The following AXIN1 variants were observed in gnomAD, a reference collection of about 807,000 sequenced individuals.
AXIN1 encodes axin-1.
A neutral mutation model predicts 76.4 loss-of-function variants in AXIN1; 30 were observed. That is an observed-to-expected ratio of 0.39 (90% confidence interval 0.29 to 0.53). The LOEUF (loss-of-function observed/expected upper bound fraction) is 0.53, where lower values mean the gene tolerates loss of function less well. Ranked by LOEUF, AXIN1 falls within the 20% of genes least tolerant of loss-of-function variation. The pLI is 0.66. For missense variants in AXIN1, 1,140 were observed against 1,198.8 expected (o/e 0.95, Z 0.72); for synonymous variants, 545 against 501.4 (o/e 1.09, Z -1.16).
chr16:304,656 T>C (rs1258872232), intron 4 of AXIN1, among the ~76,000 whole-genome samples: 1 of 152,158 alleles, frequency 6.6e-6, no homozygotes, highest in Non-Finnish European at 1.5e-5. Context: ...TGCCTCGGTC[T>C]CCCAAGTAGC....
At chr16:304,157 G>C in intron 5 of AXIN1, 147 bp downstream of exon 5, 3 of 1,370,642 alleles carry the variant, frequency 2.2e-6, no homozygotes, top group Non-Finnish European at 3.0e-6. Flanking sequence ...GCAGAGAAAG[G>C]GGAACAGGGG....
intron 2 of AXIN1, among the ~76,000 whole-genome samples, chr16:335,065 A>G (rs2053775368): frequency 1.3e-5 from 2 of 152,226 alleles, no homozygotes; most frequent in Admixed American, 1.3e-4. Flanking sequence ...TATAGAATGC[A>G]CAGCAGTAAG....
chr16:304,917 C>T (rs12444883), intron 4 of AXIN1, among the ~76,000 whole-genome samples: 26,827 of 152,116 alleles, frequency 0.18, 2,747 homozygotes, highest in African/African-American at 0.27. Context: ...TTTTCGTGTC[C>T]GGCCAGTCTG....
intron 10 of AXIN1, among the ~76,000 whole-genome samples, chr16:289,181 C>G (rs1374355836): frequency 6.6e-6 from 1 of 151,990 alleles, no homozygotes; most frequent in Non-Finnish European, 1.5e-5. Flanking sequence ...CTCTGCCTCC[C>G]GAGTTCAAGC....
At chr16:310,169 T>C (rs1597034339) in intron 3 of AXIN1, 100 bp from the exon 4 acceptor site, 6 of 1,055,990 alleles carry the variant, frequency 5.7e-6, no homozygotes, top group South Asian at 4.1e-5. Flanking sequence ...CAGCAGGCAA[T>C]GATGAGGACA....
chr16:313,018 A>G (rs995132149), intron 3 of AXIN1, among the ~76,000 whole-genome samples: 1 of 151,738 alleles, frequency 6.6e-6, no homozygotes, highest in Admixed American at 6.6e-5. Context: ...CCACAAAAAT[A>G]ATCATCATCA....
chr16:292,096 G>C (rs2052576766), intron 8 of AXIN1: 1 of 135,410 alleles, frequency 7.4e-6, no homozygotes, highest in Non-Finnish European at 1.6e-5. Flanking sequence ...CGCAACCTGA[G>C]AGACCCCTGC....
intron 2 of AXIN1, among the ~76,000 whole-genome samples, chr16:319,104 C>T (rs545929389): frequency 2.6e-5 from 4 of 152,244 alleles, no homozygotes; most frequent in South Asian, 2.1e-4. Context: ...AGGCAGAGTC[C>T]GGGGACACAG....
intron 2 of AXIN1, among the ~76,000 whole-genome samples, chr16:321,205 C>T (rs1478390927): frequency 1.5e-5 from 2 of 135,502 alleles, no homozygotes; most frequent in Non-Finnish European, 3.2e-5. Flanking sequence ...GCCCGCTGCT[C>T]TCTGTGCCTT....
chr16:294,378 G>A (rs1006816097), intron 7 of AXIN1, among the ~76,000 whole-genome samples: 4 of 146,988 alleles, frequency 2.7e-5, no homozygotes, highest in Admixed American at 6.9e-5. Context: ...CAGGAGAATC[G>A]CTTGAACCTG....
chr16:289,533 CAGA>C lies in AXIN1; in HGVS notation c.2366_2368del (p.Phe789del). ...GGTGCGGTAGGGGATGGGTTCCCCG[CAGA>C]AGTAGTACGCCACAACGATGCTGTC... On this transcript the variant is annotated inframe_deletion, in exon 10 of 11. Transcript: ENST00000262320. The C allele has an allele frequency of 6.2e-7, 1 of 1,613,008 alleles. No homozygotes were observed. The highest frequency in any genetic ancestry group is 8.5e-7 in the Non-Finnish European group (1 of 1,180,020).
chr16:341,594 G>A lies in AXIN1; in HGVS notation c.878+4554C>T, dbSNP rs948729254. On this transcript the variant is annotated intron_variant, in intron 2 of 10. Coordinates refer to ENST00000262320, the MANE Select transcript of AXIN1 (RefSeq NM_003502.4). ...GACCGAGTCTCCCCGACGAGCGCCCGGTCCCATTGACCACCCAAGGGCTGA... is the reference window on the plus strand; with the variant it reads ...GACCGAGTCTCCCCGACGAGCGCCCAGTCCCATTGACCACCCAAGGGCTGA... 2.0e-4 allele frequency among the ~76,000 whole-genome samples: 30 copies of A among 152,346 alleles called. No individual in the cohort carries two copies. The East Asian group carries it at 4.4e-3, about 23-fold the overall frequency.
Position 311,319 on chromosome 16 carries a change from C to T in AXIN1, c.1020-1250G>A, listed in dbSNP as rs540073674. On this transcript the variant is annotated intron_variant, in intron 3 of 10. Transcript: ENST00000262320. ...TGCTGGGATTACAGGCATGCGCCACCGCGCCCAGCCCGCAACAGGTTTTCT... is the reference window on the plus strand; with the variant it reads ...TGCTGGGATTACAGGCATGCGCCACTGCGCCCAGCCCGCAACAGGTTTTCT... Among the ~76,000 whole-genome samples, 16 of 152,000 alleles carry T rather than the reference C, an allele frequency of 1.1e-4. No individual in the cohort carries two copies. The South Asian group carries it at 2.5e-3, about 24-fold the overall frequency.
At chr16:334,908 A>G (rs1326643584) in intron 2 of AXIN1, among the ~76,000 whole-genome samples, 1 of 152,052 alleles carries the variant, frequency 6.6e-6, no homozygotes, top group Non-Finnish European at 1.5e-5. Context: ...CACTCACTAG[A>G]GAGAAACACT....
chr16:299,228 C>T (rs2052801984), intron 5 of AXIN1: 3 of 985,406 alleles, frequency 3.0e-6, no homozygotes, highest in Middle Eastern at 5.2e-4. Flanking sequence ...CATTTGATCA[C>T]TTTAATTCCA....
In AXIN1 at chr16:346,515, A is replaced by G. The variant is rs1567307985; in HGVS notation, c.511T>C (p.Cys171Arg). The G allele has an allele frequency of 6.2e-7, 1 of 1,613,976 alleles. No individual in the cohort carries two copies. Among genetic ancestry groups the G allele is most frequent in the Non-Finnish European group, 8.5e-7 (1 of 1,179,966 alleles). The change falls in exon 2 of 11, where the codon TGC becomes CGC. Residue 171 changes from cysteine to arginine, a missense_variant. Around this residue, in one of 3 missense-constraint regions of AXIN1, gnomAD observed 708 missense variants for 776.9 expected, o/e 0.91. Transcript: ENST00000262320. ...GGATCGATCAGCTGCTTCATGATGCAGCCCTTTATGAAGCTCTTGGTGGCT... is the reference window on the plus strand; with the variant it reads ...GGATCGATCAGCTGCTTCATGATGCGGCCCTTTATGAAGCTCTTGGTGGCT... ...KPATKSFIKG[C>R]IMKQLIDPAM...
intron 2 of AXIN1, among the ~76,000 whole-genome samples, chr16:327,019 G>A (rs1203781093): frequency 6.6e-6 from 1 of 151,918 alleles, no homozygotes; most frequent in Non-Finnish European, 1.5e-5. Flanking sequence ...GCGGGTGCCT[G>A]TAGTCCCAGC....
rs200786340 is a variant in AXIN1 at position 331,588 on chromosome 16, AT to A, written c.878+14559del. On this transcript the variant is annotated intron_variant, in intron 2 of 10. Transcript: ENST00000262320. ...AAACGCAACCAACTCATGAGAATCT[AT>A]CAAACACTCCTATCAGCGTATAGAA... Among the ~76,000 whole-genome samples the A allele has an allele frequency of 4.4e-3, 668 of 151,586 alleles. 8 individuals carry two copies. The highest frequency in any genetic ancestry group is 0.015 in the African/African-American group (635 of 41,264).
At position 288,742 on chromosome 16, in the gene AXIN1, G is replaced by A. The variant is rs553411647; in HGVS notation, c.2463-494C>T. 1.6e-4 allele frequency among the ~76,000 whole-genome samples: 24 copies of A among 152,386 alleles called. 1 individual carries two copies. Among genetic ancestry groups the A allele is most frequent in the African/African-American group, 5.5e-4 (23 of 41,598 alleles). On this transcript the variant is annotated intron_variant, in intron 10 of 10. Coordinates refer to ENST00000262320, the MANE Select transcript of AXIN1 (RefSeq NM_003502.4). ...CAGTGCTCACTCGGGAGCCTCCAAG[G>A]CTGGCTGCACGCAGGGCCCTGCAGG...
Sources: gnomAD v4.1 joint callset for allele counts (sites outside exome capture counted in the v4.1 genomes callset) on GRCh38, gnomAD v4.1.1 for gene constraint, gnomAD v4.1.1 regional missense constraint, MANE v1.5 for transcripts, NCBI Gene and HGNC (gene_info 2026-07-23, HGNC 2026-07-21) for gene names.